Variants in GABBR2 observed in about 807,000 individuals in gnomAD.
The protein encoded by GABBR2 is G-protein coupled receptor 51.
GABBR2 carries 23 observed loss-of-function variants against 105.6 expected under a neutral mutation model. That is an observed-to-expected ratio of 0.22 (90% confidence interval 0.16 to 0.31). The LOEUF (loss-of-function observed/expected upper bound fraction) is 0.31, where lower values mean the gene tolerates loss of function less well. Ranked by LOEUF, GABBR2 falls within the 10% of genes least tolerant of loss-of-function variation. The pLI is 1.00. For missense variants in GABBR2, 734 were observed against 1,245.5 expected (o/e 0.59, Z 6.18); for synonymous variants, 478 against 499.7 (o/e 0.96, Z 0.58).
At chr9:98,479,857 C>T (rs964094049) in intron 5 of GABBR2, among the ~76,000 whole-genome samples, 2 of 152,138 alleles carry the variant, frequency 1.3e-5, no homozygotes, top group Admixed American at 1.3e-4. Context: ...CATCCAAAGT[C>T]CCTTCTCTTC....
At chr9:98,307,261 T>C (rs1199062170) in intron 14 of GABBR2, among the ~76,000 whole-genome samples, 2 of 152,122 alleles carry the variant, frequency 1.3e-5, no homozygotes, top group Non-Finnish European at 2.9e-5. Context: ...ATGGACAGGG[T>C]AGAGGCCAAC....
At chr9:98,470,329 C>A (rs1284596266) in intron 6 of GABBR2, among the ~76,000 whole-genome samples, 5 of 152,204 alleles carry the variant, frequency 3.3e-5, no homozygotes, top group African/African-American at 4.8e-5. Flanking sequence ...TTCCAGGTGG[C>A]TGAGGAAGCC....
At chr9:98,566,909 TTTA>T (rs767670900) in intron 2 of GABBR2, among the ~76,000 whole-genome samples, 2 of 151,648 alleles carry the variant, frequency 1.3e-5, no homozygotes, top group Non-Finnish European at 2.9e-5. Context: ...GTGTGACACA[TTTA>T]TTATTTCTAT....
intron 3 of GABBR2, among the ~76,000 whole-genome samples, chr9:98,524,199 G>C (rs1349498880): frequency 6.6e-6 from 1 of 152,102 alleles, no homozygotes; most frequent in Non-Finnish European, 1.5e-5. Context: ...ATCCTGGATG[G>C]TTTCATAGAC....
intron 1 of GABBR2, among the ~76,000 whole-genome samples, chr9:98,579,908 G>A (rs1828975645): frequency 6.6e-6 from 1 of 152,200 alleles, no homozygotes; most frequent in Non-Finnish European, 1.5e-5. Context: ...ATTGAGCAAA[G>A]TTCTATTCCC....
intron 3 of GABBR2, among the ~76,000 whole-genome samples, chr9:98,523,839 C>G (rs10121121): frequency 6.6e-6 from 1 of 151,984 alleles, no homozygotes; most frequent in Non-Finnish European, 1.5e-5. Flanking sequence ...GTGTATCTGG[C>G]AGATGGAGTG....
At chr9:98,385,595 G>A (rs377192299) in intron 11 of GABBR2, 45 bp downstream of exon 11, 29 of 1,564,942 alleles carry the variant, frequency 1.9e-5, no homozygotes, top group Non-Finnish European at 2.3e-5. Flanking sequence ...AGGTCACCAA[G>A]GAAACTTTCT....
intron 4 of GABBR2, among the ~76,000 whole-genome samples, chr9:98,491,775 T>G (rs1437850660): frequency 3.9e-5 from 6 of 152,226 alleles, no homozygotes; most frequent in Non-Finnish European, 7.3e-5. Context: ...CCGTATCTAT[T>G]TTTGCATTAT....
chr9:98,633,486 A>C (rs1189301094), intron 1 of GABBR2, among the ~76,000 whole-genome samples: 4 of 151,974 alleles, frequency 2.6e-5, no homozygotes, highest in Non-Finnish European at 5.9e-5. Flanking sequence ...ATAGCTGGGC[A>C]TGGTGGCGTG....
At chr9:98,543,077 G>C (rs1452974371) in intron 2 of GABBR2, among the ~76,000 whole-genome samples, 1 of 151,998 alleles carries the variant, frequency 6.6e-6, no homozygotes, top group African/African-American at 2.4e-5. Flanking sequence ...GCTGTCCATC[G>C]TTCTCTTTAT....
At chr9:98,485,237 G>A (rs1163853238) in intron 4 of GABBR2, among the ~76,000 whole-genome samples, 2 of 152,156 alleles carry the variant, frequency 1.3e-5, no homozygotes, top group African/African-American at 4.8e-5. Context: ...ACCCTCAAGA[G>A]GCTACTATCA....
intron 2 of GABBR2, among the ~76,000 whole-genome samples, chr9:98,550,069 A>G (rs1373340444): frequency 6.6e-6 from 1 of 152,234 alleles, no homozygotes; most frequent in East Asian, 1.9e-4. Flanking sequence ...GCGTCAAGAT[A>G]GTCCTGTCCA....
intron 3 of GABBR2, among the ~76,000 whole-genome samples, chr9:98,527,599 A>G (rs1466066838): frequency 6.6e-6 from 1 of 152,120 alleles, no homozygotes; most frequent in African/African-American, 2.4e-5. Flanking sequence ...ACTAGATCCC[A>G]TTCCCCAAAG....
chr9:98,417,609 G>A (rs949129604), intron 7 of GABBR2, among the ~76,000 whole-genome samples: 5 of 152,156 alleles, frequency 3.3e-5, no homozygotes, highest in Non-Finnish European at 7.3e-5. Context: ...GGGACAACTG[G>A]CCACATACAA....
At chr9:98,464,584 C>T (rs1826506064) in intron 6 of GABBR2, among the ~76,000 whole-genome samples, 1 of 152,084 alleles carries the variant, frequency 6.6e-6, no homozygotes, top group South Asian at 2.1e-4. Flanking sequence ...CTCTGCCAAG[C>T]CGCCCCGTCT....
intron 3 of GABBR2, among the ~76,000 whole-genome samples, chr9:98,529,368 G>C (rs1828021799): frequency 6.6e-6 from 1 of 152,244 alleles, no homozygotes; most frequent in Admixed American, 6.5e-5. Flanking sequence ...CACGGTGACG[G>C]AGTCACGGAG....
intron 1 of GABBR2, among the ~76,000 whole-genome samples, chr9:98,634,600 A>G (rs891877896): frequency 2.0e-5 from 3 of 152,170 alleles, no homozygotes; most frequent in Non-Finnish European, 4.4e-5. Context: ...ATCCTGCCCT[A>G]GTCTTCAGAG....
chr9:98,380,324 G>A (rs1000298718), intron 11 of GABBR2, among the ~76,000 whole-genome samples: 1 of 152,218 alleles, frequency 6.6e-6, no homozygotes, highest in Non-Finnish European at 1.5e-5. Flanking sequence ...GGGATCTAAG[G>A]TCCGCCTGGA....
At chr9:98,325,823 A>G (rs1319460263) in intron 13 of GABBR2, among the ~76,000 whole-genome samples, 1 of 152,204 alleles carries the variant, frequency 6.6e-6, no homozygotes, top group African/African-American at 2.4e-5. Context: ...GGCTTGCAAT[A>G]GTCACACACA....
Sources: gnomAD v4.1 joint callset for allele counts (sites outside exome capture counted in the v4.1 genomes callset) on GRCh38, gnomAD v4.1.1 for gene constraint, MANE v1.5 for transcripts, NCBI Gene and HGNC (gene_info 2026-07-23, HGNC 2026-07-21) for gene names.